The following FBP2 variants were observed in gnomAD, a reference collection of about 807,000 sequenced individuals.
FBP2 encodes the protein fructose-1,6-bisphosphatase isozyme 2.
FBP2 carries 27 observed loss-of-function variants against 31.6 expected under a neutral mutation model. The observed-to-expected ratio is 0.85, with a 90% confidence interval of 0.63 to 1.18. FBP2 has a LOEUF of 1.18. Among genes scored for constraint, FBP2 ranks in the 50% most tolerant of loss-of-function variants. The pLI is 0.00. For synonymous variants in FBP2, 168 were observed against 179.8 expected (o/e 0.93, Z 0.53); for missense variants, 421 against 436.1 (o/e 0.97, Z 0.31).
At chr9:94,560,715 T>C (rs1250918523) in intron 6 of FBP2, among the ~76,000 whole-genome samples, 7 of 147,972 alleles carry the variant, frequency 4.7e-5, no homozygotes, top group Non-Finnish European at 1.0e-4. Context: ...TATGTTATTA[T>C]ATATTATATA....
At chr9:94,591,330 G>A (rs374786185) in intron 1 of FBP2, among the ~76,000 whole-genome samples, 334 of 152,350 alleles carry the variant, frequency 2.2e-3, no homozygotes, top group East Asian at 7.0e-3. Flanking sequence ...CGAGCGCAGC[G>A]CCAGTGGGCC....
At chr9:94,574,586 T>C (rs1477299397) in intron 3 of FBP2, among the ~76,000 whole-genome samples, 4 of 152,194 alleles carry the variant, frequency 2.6e-5, no homozygotes, top group Non-Finnish European at 2.9e-5. Context: ...TCGATTGTCA[T>C]TGCCTTCTTA....
At chr9:94,584,067 C>T (rs1294483341) in intron 3 of FBP2, among the ~76,000 whole-genome samples, 1 of 152,158 alleles carries the variant, frequency 6.6e-6, no homozygotes, top group Non-Finnish European at 1.5e-5. Context: ...ATATGCCAGT[C>T]CCCAGGATCT....
intron 3 of FBP2, among the ~76,000 whole-genome samples, chr9:94,573,479 A>C (rs1449494000): frequency 6.6e-6 from 1 of 151,928 alleles, no homozygotes; most frequent in Admixed American, 6.6e-5. Context: ...GGCTGGTCTC[A>C]AACTCCTGGC....
rs905428408 is a variant in FBP2, at chr9:94,582,347, TGTGC to T, written c.426+2226_426+2229del. 1.3e-3 allele frequency among the ~76,000 whole-genome samples: 102 copies of T among 81,166 alleles called. 1 individual carries two copies. The highest frequency in any genetic ancestry group is 7.8e-3 in the South Asian group (14 of 1,788). The allele number at this position is 81,166 out of a possible 152,430, so 53.2% of individuals were successfully genotyped here. On this transcript the variant is annotated intron_variant, in intron 3 of 6. Coordinates refer to ENST00000375337, the MANE Select transcript of FBP2 (RefSeq NM_003837.4). ...CTATAATCTGTTAAATATGTGTGTG[TGTGC>T]GTGTGTGTGTGTGTGTGTGTGTGTG...
At position 94,587,545 on chromosome 9, in the gene FBP2, G is replaced by T. The variant is rs1033069865; in HGVS notation, c.171-76C>A. 13 of 1,300,118 alleles carry T rather than the reference G, an allele frequency of 1.0e-5. No individual in the cohort carries two copies. In the Admixed American group the frequency reaches 2.2e-4, roughly 22 times the overall value. 80.5% of individuals were successfully genotyped at this position (1,300,118 alleles called of 1,614,324 possible). On this transcript the variant is annotated intron_variant, in intron 1 of 6. Coordinates refer to ENST00000375337, the MANE Select transcript of FBP2 (RefSeq NM_003837.4). ...AGCAAAGAGCCTGGGACCCTAAAAC[G>T]CCAGCAGTGCAGTCCCCTCTCGTTC...
In FBP2 at chr9:94,580,036, A is replaced by G. The variant is rs772157746; in HGVS notation, c.426+4541T>C. Among the ~76,000 whole-genome samples, 24 of 152,334 alleles carry G rather than the reference A, an allele frequency of 1.6e-4. 1 individual carries two copies. The highest frequency in any genetic ancestry group is 3.4e-3 in the Middle Eastern group (1 of 294). ...CACAGTTTGACTTCCAGGTTATCCAAATAGGCTTCCCCTAAAGAGAAGCAG... is the reference window on the plus strand; with the variant it reads ...CACAGTTTGACTTCCAGGTTATCCAGATAGGCTTCCCCTAAAGAGAAGCAG... On this transcript the variant is annotated intron_variant, in intron 3 of 6. Coordinates refer to ENST00000375337, the MANE Select transcript of FBP2 (RefSeq NM_003837.4).
At chr9:94,570,741 C>T (rs532707689) in intron 4 of FBP2, 2 of 152,108 alleles carry the variant, frequency 1.3e-5, no homozygotes, top group African/African-American at 4.8e-5. Flanking sequence ...GGTTTCCATA[C>T]TGTAAACTCT....
At chr9:94,578,364 A>G (rs1002991020) in intron 3 of FBP2, among the ~76,000 whole-genome samples, 7 of 152,248 alleles carry the variant, frequency 4.6e-5, no homozygotes, top group African/African-American at 1.4e-4. Context: ...ATAACTTTAA[A>G]TAATGACTAA....
intron 3 of FBP2, among the ~76,000 whole-genome samples, chr9:94,584,285 A>G (rs1261938193): frequency 6.6e-6 from 1 of 152,162 alleles, no homozygotes; most frequent in Admixed American, 6.5e-5. Context: ...GCCACCTGGA[A>G]CCTAATGCCA....
At chr9:94,579,471 C>T (rs888734222) in intron 3 of FBP2, among the ~76,000 whole-genome samples, 3 of 136,926 alleles carry the variant, frequency 2.2e-5, no homozygotes, top group Non-Finnish European at 4.8e-5. Context: ...TCTAAAGAAA[C>T]AAAATTCAGG....
intron 2 of FBP2, among the ~76,000 whole-genome samples, 180 bp from the exon 3 acceptor site, chr9:94,584,849 C>T (rs1220780670): frequency 1.3e-5 from 2 of 152,160 alleles, no homozygotes; most frequent in East Asian, 1.9e-4. Context: ...TACACAAATA[C>T]TCCTCTGGGT....
Position 94,571,591 on chromosome 9 carries a change from A to C in FBP2, c.438T>G (p.Asp146Glu). ...IFAIYRKTSE[D>E]EPSEKDALQC... ...GCAGGGCATCCTTTTCAGAAGGCTC[A>C]TCCTCTGAGGTCTGTGGAAGAGAGG... Residue 146 changes from aspartate to glutamate, a missense_variant, in exon 4 of 7, where the codon GAT (aspartate) becomes GAG (glutamate). Asp to Glu is a conservative substitution (Grantham distance 45, BLOSUM62 2). Transcript: ENST00000375337. 1.9e-6 allele frequency: 3 copies of C among 1,613,128 alleles called. No homozygotes were observed. The highest frequency in any genetic ancestry group is 2.5e-6 in the Non-Finnish European group (3 of 1,179,422).
chr9:94,582,984 G>A (rs1827389354), intron 3 of FBP2, among the ~76,000 whole-genome samples: 1 of 151,196 alleles, frequency 6.6e-6, no homozygotes, highest in African/African-American at 2.4e-5. Flanking sequence ...CTCCTGAGTA[G>A]CAGGGATTAT....
intron 6 of FBP2, among the ~76,000 whole-genome samples, chr9:94,561,520 G>A (rs984068425): frequency 2.3e-4 from 35 of 151,992 alleles, no homozygotes; most frequent in African/African-American, 7.7e-4. Context: ...ATGCCACCAC[G>A]CCTGGCTAAT....
intron 1 of FBP2, among the ~76,000 whole-genome samples, chr9:94,590,969 A>G (rs1215525846): frequency 6.6e-6 from 1 of 152,154 alleles, no homozygotes; most frequent in Admixed American, 6.5e-5. Context: ...CGATTGGTGC[A>G]CTCACAAACC....
intron 3 of FBP2, 88 bp from the exon 4 acceptor site, chr9:94,571,690 A>G: frequency 8.2e-7 from 1 of 1,212,824 alleles, no homozygotes; most frequent in Non-Finnish European, 1.1e-6. Flanking sequence ...ATCTCCTCGA[A>G]TCACTGAAGG....
At chr9:94,565,677 C>A (rs1827175729) in intron 5 of FBP2, among the ~76,000 whole-genome samples, 1 of 109,556 alleles carries the variant, frequency 9.1e-6, no homozygotes, top group South Asian at 2.6e-4. Context: ...TCTAACTTAC[C>A]TTTGCTCTAT....
rs1194996536 is a variant in FBP2, at chr9:94,593,745, A to T, written c.-19T>A. On this transcript the variant is annotated 5_prime_UTR_variant, in exon 1 of 7. The change creates a new upstream start codon in the 5' untranslated region. Transcript: ENST00000375337. ...CCGTCATTTTGGCTGGAATGCTTCA[A>T]ATCCTTTTCTCCCGGCAGGAAACCT... The T allele has an allele frequency of 7.4e-6, 12 of 1,612,940 alleles. No homozygotes were observed. The highest frequency in any genetic ancestry group is 1.3e-5 in the African/African-American group (1 of 74,898).
Sources: gnomAD v4.1 joint callset for allele counts (sites outside exome capture counted in the v4.1 genomes callset) on GRCh38, gnomAD v4.1.1 for gene constraint, MANE v1.5 for transcripts, NCBI Gene and HGNC (gene_info 2026-07-23, HGNC 2026-07-21) for gene names.